Variants in MSH3 observed in about 807,000 individuals in gnomAD.
The protein encoded by MSH3 is mutS homolog 3.
A neutral mutation model predicts 123.3 loss-of-function variants in MSH3; 106 were observed. The ratio of observed to expected loss-of-function variants is 0.86; its 90% CI spans 0.73 to 1.01. MSH3 has a LOEUF of 1.01. Ranked by LOEUF, MSH3 falls within the 50% of genes least tolerant of loss-of-function variation. The pLI is 0.00. For missense variants in MSH3, 1,459 were observed against 1,347.6 expected, an observed-to-expected ratio of 1.08 and a Z score of -1.29; for synonymous variants, 515 against 481.4, an observed-to-expected ratio of 1.07 and a Z score of -0.91.
At chr5:80,796,084 A>C (rs1744694846) in intron 19 of MSH3, among the ~76,000 whole-genome samples, 1 of 152,170 alleles carries the variant, frequency 6.6e-6, no homozygotes, top group Non-Finnish European at 1.5e-5. Context: ...TATAAGTTAA[A>C]TATAAACTAA....
intron 21 of MSH3, among the ~76,000 whole-genome samples, chr5:80,859,805 C>T (rs1415149423): frequency 1.3e-5 from 2 of 150,996 alleles, no homozygotes; most frequent in African/African-American, 4.9e-5. Context: ...CTCAAACTCC[C>T]GGGCTGAAGT....
At chr5:80,725,326 C>G in intron 8 of MSH3, 127 bp from the exon 9 acceptor site, 1 of 646,008 alleles carries the variant, frequency 1.5e-6, no homozygotes, top group Non-Finnish European at 2.7e-6. Flanking sequence ...CTCTCTCTTT[C>G]TTCAACTTGG....
intron 18 of MSH3, among the ~76,000 whole-genome samples, chr5:80,791,759 T>C (rs1215555226): frequency 1.3e-5 from 2 of 152,198 alleles, no homozygotes; most frequent in Admixed American, 1.3e-4. Context: ...AGTTACAGAA[T>C]GATAGATTAC....
intron 8 of MSH3, among the ~76,000 whole-genome samples, chr5:80,708,769 G>A (rs373072670): frequency 6.9e-6 from 1 of 145,498 alleles, no homozygotes; most frequent in Non-Finnish European, 1.5e-5. Flanking sequence ...AATGTTTTTA[G>A]GTCTCCCTTT....
At chr5:80,725,234 GATA>G (rs1373581893) in intron 8 of MSH3, among the ~76,000 whole-genome samples, 6 of 137,992 alleles carry the variant, frequency 4.3e-5, no homozygotes, top group Non-Finnish European at 6.4e-5. Flanking sequence ...AAAAAAAAAA[GATA>G]ATAAAAAAAT....
At chr5:80,752,396 T>C (rs1027497663) in intron 12 of MSH3, among the ~76,000 whole-genome samples, 3 of 152,128 alleles carry the variant, frequency 2.0e-5, no homozygotes, top group Non-Finnish European at 4.4e-5. Flanking sequence ...ATCTGTATTT[T>C]TTTCAGCTAT....
At chr5:80,872,481 A>G (rs1746235533) in intron 22 of MSH3, among the ~76,000 whole-genome samples, 2 of 151,754 alleles carry the variant, frequency 1.3e-5, no homozygotes, top group Non-Finnish European at 2.9e-5. Context: ...AAACATAAAA[A>G]GGAGAAATTA....
chr5:80,873,596 G>A (rs1746259461), intron 23 of MSH3, among the ~76,000 whole-genome samples: 2 of 152,156 alleles, frequency 1.3e-5, no homozygotes, highest in East Asian at 1.9e-4. Flanking sequence ...GGTTACTGAA[G>A]ATATTGAGAA....
intron 20 of MSH3, among the ~76,000 whole-genome samples, chr5:80,824,267 C>T (rs1296433002): frequency 4.6e-5 from 7 of 151,876 alleles, no homozygotes; most frequent in Non-Finnish European, 1.0e-4. Context: ...CCCAGAGGGG[C>T]GGCCGGGCAG....
At chr5:80,670,029 T>G in intron 3 of MSH3, 68 bp from the exon 4 acceptor site, 1 of 1,471,908 alleles carries the variant, frequency 6.8e-7, no homozygotes. Context: ...AGATTTGCAT[T>G]TTCCGTCTCT....
intron 20 of MSH3, among the ~76,000 whole-genome samples, chr5:80,846,684 A>G (rs933796284): frequency 6.6e-6 from 1 of 152,260 alleles, no homozygotes; most frequent in African/African-American, 2.4e-5. Context: ...CTGCGCTAGC[A>G]GTGAGCAAGG....
At chr5:80,745,036 T>A (rs1743689941) in intron 12 of MSH3, among the ~76,000 whole-genome samples, 1 of 152,202 alleles carries the variant, frequency 6.6e-6, no homozygotes, top group Admixed American at 6.5e-5. Flanking sequence ...GCCCAGGACC[T>A]GAGCTACAGC....
Position 80,854,200 on chromosome 5 carries a change from A to G in MSH3, c.2884A>G (p.Ile962Val), listed in dbSNP as rs1561500002. Residue 962 changes from isoleucine (I) to valine (V), a missense_variant, in exon 21 of 24, where the codon ATA becomes GTA. Transcript: ENST00000265081. ...FMEELTDTAE[I>V]IRKATSQSLV... Reference sequence around the variant, plus strand: ...GGAAGAACTGACTGACACAGCAGAAATAATCAGAAAAGCAACATCACAGTC... The same window carrying G: ...GGAAGAACTGACTGACACAGCAGAAGTAATCAGAAAAGCAACATCACAGTC... 6.2e-7 allele frequency: 1 copy of G among 1,613,928 alleles called. No homozygotes were observed. Among genetic ancestry groups the G allele is most frequent in the Non-Finnish European group, 8.5e-7 (1 of 1,179,872 alleles).
intron 20 of MSH3, among the ~76,000 whole-genome samples, chr5:80,847,840 T>C (rs245359): frequency 0.86 from 131,585 of 152,242 alleles, 56,958 homozygotes; most frequent in East Asian, 1. Flanking sequence ...TAGGACATGG[T>C]CTCCGTGTTT....
intron 22 of MSH3, among the ~76,000 whole-genome samples, chr5:80,870,680 C>T (rs1746197259): frequency 6.6e-6 from 1 of 152,176 alleles, no homozygotes; most frequent in Non-Finnish European, 1.5e-5. Flanking sequence ...AGCACCCACC[C>T]TTGGAAAGCT....
At chr5:80,765,105 T>C (rs1744101505) in intron 13 of MSH3, among the ~76,000 whole-genome samples, 1 of 152,172 alleles carries the variant, frequency 6.6e-6, no homozygotes, top group Non-Finnish European at 1.5e-5. Flanking sequence ...TTCTTTTGCT[T>C]AAGAAACTTG....
chr5:80,869,841 TACACAC>T (rs35006113), intron 22 of MSH3, among the ~76,000 whole-genome samples: 12 of 132,524 alleles, frequency 9.1e-5, no homozygotes, highest in African/African-American at 2.0e-4. Context: ...TACATATATA[TACACAC>T]ACACACACAC....
At chr5:80,718,242 G>A (rs945430860) in intron 8 of MSH3, among the ~76,000 whole-genome samples, 1 of 152,000 alleles carries the variant, frequency 6.6e-6, no homozygotes, top group African/African-American at 2.4e-5. Context: ...TATCCTTATG[G>A]TTTAATTTTG....
At chr5:80,756,027 T>TAA (rs1366148638) in intron 12 of MSH3, among the ~76,000 whole-genome samples, 1 of 151,908 alleles carries the variant, frequency 6.6e-6, no homozygotes, top group Non-Finnish European at 1.5e-5. Context: ...ATCACCAAGT[T>TAA]AAAAAAATAC....
Sources: gnomAD v4.1 joint callset for allele counts (sites outside exome capture counted in the v4.1 genomes callset) on GRCh38, gnomAD v4.1.1 for gene constraint, MANE v1.5 for transcripts, NCBI Gene and HGNC (gene_info 2026-07-23, HGNC 2026-07-21) for gene names.